The following CACNA1D variants were observed in gnomAD, a reference collection of about 807,000 sequenced individuals.
The protein encoded by CACNA1D is voltage-dependent L-type calcium channel subunit alpha-1D.
Under a neutral mutation model 257.1 loss-of-function variants are expected in CACNA1D, and 55 were observed. The ratio of observed to expected loss-of-function variants is 0.21; its 90% confidence interval spans 0.17 to 0.27. CACNA1D has a LOEUF of 0.27. Ranked by LOEUF, CACNA1D falls within the 10% of genes least tolerant of loss-of-function variation. CACNA1D has a pLI of 1.00. For synonymous variants in CACNA1D, 980 were observed against 1,014.9 expected (o/e 0.97, Z 0.65); for missense variants, 1,876 against 2,784.0 (o/e 0.67, Z 7.34).
At chr3:53,623,817 G>T (rs1031263085) in intron 3 of CACNA1D, among the ~76,000 whole-genome samples, 3 of 152,172 alleles carry the variant, frequency 2.0e-5, no homozygotes, top group African/African-American at 7.2e-5. Context: ...TCCTGAAGGT[G>T]TTTCCCTCAA....
At chr3:53,497,123 A>C in intron 1 of CACNA1D, 29 bp from the exon 2 acceptor site, 1 of 1,603,616 alleles carries the variant, frequency 6.2e-7, no homozygotes, top group Non-Finnish European at 8.5e-7. Flanking sequence ...TTTAAAAAAA[A>C]AAATCTTTGT....
intron 3 of CACNA1D, among the ~76,000 whole-genome samples, chr3:53,650,282 G>C (rs1301894861): frequency 6.6e-6 from 1 of 152,202 alleles, no homozygotes; most frequent in Non-Finnish European, 1.5e-5. Flanking sequence ...AGCTGACTGT[G>C]ACTTCGAACT....
chr3:53,495,245 G>A lies in CACNA1D; in HGVS notation c.67+12G>A. ...GGACCACGCGAACGGTGAGCAGCCA[G>A]AGCCCGGGCACCCGCTGCCAAATCC... On this transcript the variant is annotated intron_variant, in intron 1 of 47. Coordinates refer to ENST00000350061, the MANE Select transcript of CACNA1D (RefSeq NM_001128840.3). This position sits in a 1 kb window ranked among gnomAD's most constrained non-coding sequence, Gnocchi z 5.1. 1 of 1,613,520 alleles carries A rather than the reference G, an allele frequency of 6.2e-7. No homozygotes were observed. The highest frequency in any genetic ancestry group is 8.5e-7 in the Non-Finnish European group (1 of 1,179,998).
At chr3:53,509,214 A>T (rs1479083346) in intron 3 of CACNA1D, among the ~76,000 whole-genome samples, 2 of 127,444 alleles carry the variant, frequency 1.6e-5, no homozygotes, top group African/African-American at 1.1e-4. Flanking sequence ...AGGAAGAAAC[A>T]GAATAGCTGA....
Position 53,495,832 on chromosome 3 carries a change from G to A in CACNA1D, c.67+599G>A, listed in dbSNP as rs989678441. 6.6e-6 allele frequency among the ~76,000 whole-genome samples: 1 copy of A among 152,162 alleles called. No individual in the cohort carries two copies. Among genetic ancestry groups the A allele is most frequent in the Admixed American group, 6.5e-5 (1 of 15,284 alleles). ...GTGCACACGTCGGTAACCTAGCAAT[G>A]CCCGGGGAGCCGCTGCCGCTGTGGG... is the stretch of plus-strand genomic sequence containing the variant. On this transcript the variant is annotated intron_variant, in intron 1 of 47. Coordinates refer to ENST00000350061, the MANE Select transcript of CACNA1D (RefSeq NM_001128840.3). This position sits in a 1 kb window ranked among gnomAD's most constrained non-coding sequence, Gnocchi z 5.1.
chr3:53,756,204 C>T (rs1047444105), intron 29 of CACNA1D, among the ~76,000 whole-genome samples: 9 of 152,068 alleles, frequency 5.9e-5, no homozygotes, highest in African/African-American at 1.4e-4. Flanking sequence ...CAAGAGGGAA[C>T]GGTTAAAGAA....
At chr3:53,553,934 C>T (rs986591939) in intron 3 of CACNA1D, among the ~76,000 whole-genome samples, 26 of 151,176 alleles carry the variant, frequency 1.7e-4, no homozygotes, top group Admixed American at 6.6e-5. Flanking sequence ...TGGTGGCTCA[C>T]ACCTGTAATC....
chr3:53,666,710 T>C (rs1280584609), intron 7 of CACNA1D, among the ~76,000 whole-genome samples, 175 bp downstream of exon 7: 1 of 152,174 alleles, frequency 6.6e-6, no homozygotes, highest in Non-Finnish European at 1.5e-5. Context: ...TCGAGGGCCT[T>C]AGTTTCAGTT....
chr3:53,602,108 T>A (rs1198556574), intron 3 of CACNA1D, among the ~76,000 whole-genome samples: 2 of 152,180 alleles, frequency 1.3e-5, no homozygotes, highest in African/African-American at 2.4e-5. Flanking sequence ...TTCCTCATTC[T>A]CCCCTCTCCT....
At chr3:53,650,984 G>A in intron 4 of CACNA1D, 66 bp downstream of exon 4, 1 of 1,359,674 alleles carries the variant, frequency 7.4e-7, no homozygotes, top group Non-Finnish European at 1.1e-6. Context: ...GGGGGGGGTG[G>A]TGGTAACAAA....
chr3:53,682,241 G>A (rs937520667), intron 8 of CACNA1D, among the ~76,000 whole-genome samples: 1 of 151,808 alleles, frequency 6.6e-6, no homozygotes, highest in Non-Finnish European at 1.5e-5. Flanking sequence ...TAAAGAAAAT[G>A]TAGCAGCTGG....
chr3:53,604,597 C>T (rs908938637), intron 3 of CACNA1D, among the ~76,000 whole-genome samples: 2 of 151,346 alleles, frequency 1.3e-5, no homozygotes, highest in Admixed American at 6.6e-5. Context: ...CTTGGTTTTG[C>T]TGGTCCTTGC....
chr3:53,507,091 AAAC>A (rs1405180554), intron 3 of CACNA1D, among the ~76,000 whole-genome samples: 3 of 150,972 alleles, frequency 2.0e-5, no homozygotes, highest in African/African-American at 7.3e-5. Context: ...AAAAAAAAAA[AAAC>A]AAAAAAATGT....
chr3:53,645,531 A>G (rs980890393), intron 3 of CACNA1D, among the ~76,000 whole-genome samples: 1 of 152,112 alleles, frequency 6.6e-6, no homozygotes, highest in Non-Finnish European at 1.5e-5. Context: ...ATTCCTCTGC[A>G]TGTGGATGTC....
chr3:53,651,366 CTTT>C (rs779207160), intron 4 of CACNA1D, among the ~76,000 whole-genome samples: 100 of 81,846 alleles, frequency 1.2e-3, no homozygotes, highest in African/African-American at 3.6e-3. Context: ...TATTAATTTT[CTTT>C]TTTTTTTTTT....
At chr3:53,662,303 T>G (rs1013126204) in intron 5 of CACNA1D, among the ~76,000 whole-genome samples, 1 of 152,160 alleles carries the variant, frequency 6.6e-6, no homozygotes, top group Non-Finnish European at 1.5e-5. Context: ...ATTAAGAGAC[T>G]GAGGGAGAAT....
At chr3:53,591,568 A>G (rs2093305876) in intron 3 of CACNA1D, among the ~76,000 whole-genome samples, 1 of 152,042 alleles carries the variant, frequency 6.6e-6, no homozygotes, top group African/African-American at 2.4e-5. Context: ...TCCTCTTTTA[A>G]TACCAGCTTC....
Position 53,744,817 on chromosome 3 carries a change from A to G in CACNA1D, c.2996A>G (p.Lys999Arg). The G allele has an allele frequency of 6.3e-7, 1 of 1,596,574 alleles. No individual in the cohort carries two copies. The highest frequency in any genetic ancestry group is 8.6e-7 in the Non-Finnish European group (1 of 1,164,054). Residue 999 changes from lysine to arginine, a missense_variant, in exon 23 of 48, where the codon AAA becomes AGA. Physicochemically the swap from Lys to Arg is conservative, Grantham distance 26. Around this residue, in one of 10 missense-constraint regions of CACNA1D, gnomAD observed 271 missense variants for 425.5 expected, o/e 0.64. Coordinates refer to ENST00000350061, the MANE Select transcript of CACNA1D (RefSeq NM_001128840.3). ...LRPLRAINRA[K>R]GLKHVVQCVF... ...CCCCTCAGGGCCATCAACAGAGCAA[A>G]AGGACTTAAGGTTTTGATTCCTCTC...
intron 3 of CACNA1D, among the ~76,000 whole-genome samples, chr3:53,616,300 C>T (rs574401665): frequency 4.6e-4 from 70 of 152,296 alleles, no homozygotes; most frequent in African/African-American, 1.6e-3. Flanking sequence ...ATCATCATGT[C>T]TCTGTTTCAG....
Sources: gnomAD v4.1 joint callset for allele counts (sites outside exome capture counted in the v4.1 genomes callset) on GRCh38, gnomAD v4.1.1 for gene constraint, gnomAD v4.1.1 regional missense constraint, Gnocchi (gnomAD v3.1) non-coding constraint, MANE v1.5 for transcripts, NCBI Gene and HGNC (gene_info 2026-07-23, HGNC 2026-07-21) for gene names.